UPP2: variants seen among roughly 807,000 people sequenced by gnomAD.
UPP2 encodes UPase 2.
A neutral mutation model predicts 26.7 loss-of-function variants in UPP2; 23 were observed. The ratio of observed to expected loss-of-function variants is 0.86; its 90% CI spans 0.62 to 1.22. The LOEUF (loss-of-function observed/expected upper bound fraction) is 1.22. Ranked by LOEUF, UPP2 falls within the 50% of genes most tolerant of loss-of-function variation. The probability of loss-of-function intolerance (pLI) is 0.00; values close to 1 mark genes in which losing one functional copy is unlikely to be tolerated. For missense variants in UPP2, 387 were observed against 396.7 expected, an observed-to-expected ratio of 0.98 and a Z score of 0.21; for synonymous variants, 127 against 141.3, an observed-to-expected ratio of 0.90 and a Z score of 0.72.
intron 1 of UPP2, among the ~76,000 whole-genome samples, chr2:158,102,976 G>A (rs149848214): frequency 6.6e-6 from 1 of 152,332 alleles, no homozygotes; most frequent in African/African-American, 2.4e-5. Flanking sequence ...TCATCATGTA[G>A]TGTAATTTGT....
chr2:158,014,687 A>G (rs1683632196), intron 2 of UPP2, among the ~76,000 whole-genome samples: 2 of 152,190 alleles, frequency 1.3e-5, no homozygotes, highest in African/African-American at 4.8e-5. Context: ...TCTATAATAC[A>G]CTACTGATTA....
intron 3 of UPP2, among the ~76,000 whole-genome samples, chr2:158,043,169 A>G (rs1684104215): frequency 6.6e-6 from 1 of 152,208 alleles, no homozygotes; most frequent in Non-Finnish European, 1.5e-5. Flanking sequence ...TTCCCTCTAA[A>G]TAAATCACAG....
chr2:158,105,950 G>T (rs917143904), intron 1 of UPP2, 149 bp from the exon 2 acceptor site: 7 of 624,376 alleles, frequency 1.1e-5, no homozygotes, highest in Non-Finnish European at 1.9e-5. Flanking sequence ...CACATAGTGT[G>T]GGCAAATATT....
chr2:158,118,334 C>A (rs544654815), intron 4 of UPP2, among the ~76,000 whole-genome samples: 2 of 151,864 alleles, frequency 1.3e-5, no homozygotes, highest in South Asian at 2.1e-4. Context: ...GCTAAGTGAG[C>A]AAACTGCAAA....
chr2:158,046,785 T>C (rs1684162038), intron 3 of UPP2, among the ~76,000 whole-genome samples: 1 of 152,236 alleles, frequency 6.6e-6, no homozygotes, highest in South Asian at 2.1e-4. Flanking sequence ...GTTTTTCTAC[T>C]ACCAGAAATA....
chr2:158,061,068 T>G (rs1276340066), intron 3 of UPP2, among the ~76,000 whole-genome samples: 1 of 152,216 alleles, frequency 6.6e-6, no homozygotes, highest in African/African-American at 2.4e-5. Flanking sequence ...TTTATCTTAA[T>G]AGTAAAGCTA....
At chr2:158,028,604 C>T (rs1472687294) in intron 3 of UPP2, among the ~76,000 whole-genome samples, 1 of 152,194 alleles carries the variant, frequency 6.6e-6, no homozygotes, top group Admixed American at 6.5e-5. Flanking sequence ...AAAGTTGCTT[C>T]CACATTTTCA....
chr2:158,035,354 A>G (rs1224211787), intron 3 of UPP2, among the ~76,000 whole-genome samples: 1 of 152,022 alleles, frequency 6.6e-6, no homozygotes, highest in East Asian at 1.9e-4. Context: ...ACGGGGTTTC[A>G]CCATGTTGGT....
chr2:158,124,216 A>T (rs182673310), intron 6 of UPP2, among the ~76,000 whole-genome samples: 1 of 152,170 alleles, frequency 6.6e-6, no homozygotes, highest in South Asian at 2.1e-4. Context: ...ACAAGATACA[A>T]ACAAAATATT....
intron 2 of UPP2, among the ~76,000 whole-genome samples, chr2:158,001,957 CAAAAAAAAAAAAAAA>C (rs200818827): frequency 1.5e-5 from 1 of 65,486 alleles, no homozygotes; most frequent in Non-Finnish European, 3.1e-5. Flanking sequence ...GAATGAGCAC[CAAAAAAAAAAAAAAA>C]AAAAAAAAAA....
chr2:158,082,932 G>A (rs1203224297), intron 3 of UPP2, among the ~76,000 whole-genome samples: 1 of 152,174 alleles, frequency 6.6e-6, no homozygotes, highest in Non-Finnish European at 1.5e-5. Flanking sequence ...AGACATTCAT[G>A]CAGCCAACAA....
chr2:158,020,153 C>T (rs1683726657), intron 3 of UPP2, among the ~76,000 whole-genome samples: 1 of 152,276 alleles, frequency 6.6e-6, no homozygotes, highest in African/African-American at 2.4e-5. Flanking sequence ...CCTTATTAAG[C>T]ACTTGCTGTG....
chr2:158,095,489 G>T (rs1682971197), intron 3 of UPP2, among the ~76,000 whole-genome samples: 1 of 152,072 alleles, frequency 6.6e-6, no homozygotes, highest in Admixed American at 6.6e-5. Flanking sequence ...CTTGGACTTT[G>T]TCTTCTTTAA....
At chr2:158,007,517 T>C (rs1278064765) in intron 2 of UPP2, among the ~76,000 whole-genome samples, 1 of 152,188 alleles carries the variant, frequency 6.6e-6, no homozygotes, top group African/African-American at 2.4e-5. Flanking sequence ...AACCATGTCA[T>C]TGTGAAGTGC....
chr2:158,112,254 T>G lies in UPP2; in HGVS notation c.181-2847T>G, dbSNP rs150335503. ...AGACAGTGTGGTACTAACATATGGA[T>G]AGACATAAAGATCACTAGAACAGAA... On this transcript the variant is annotated intron_variant, in intron 2 of 6. Transcript: ENST00000005756. Among the ~76,000 whole-genome samples the G allele has an allele frequency of 2.7e-3, 414 of 152,234 alleles. 3 individuals are homozygous for G. The highest frequency in any genetic ancestry group is 9.5e-3 in the African/African-American group (395 of 41,554).
upstream of UPP2, among the ~76,000 whole-genome samples, chr2:158,101,623 T>C (rs1028324687): frequency 2.0e-5 from 3 of 152,200 alleles, no homozygotes; most frequent in African/African-American, 7.2e-5. Context: ...AGGTGTGTTA[T>C]AGAAACCAAA....
intron 3 of UPP2, among the ~76,000 whole-genome samples, chr2:158,023,141 G>A (rs1397066167): frequency 1.3e-5 from 2 of 149,380 alleles, no homozygotes; most frequent in Non-Finnish European, 3.0e-5. Context: ...TGTGGGAAGG[G>A]CGTGTGTGAG....
upstream of UPP2, among the ~76,000 whole-genome samples, chr2:158,098,335 G>A (rs996264941): frequency 5.3e-5 from 8 of 152,114 alleles, no homozygotes; most frequent in African/African-American, 1.9e-4. Flanking sequence ...GCAGCCAGAG[G>A]CCTGCATCCT....
intron 3 of UPP2, among the ~76,000 whole-genome samples, chr2:158,031,143 A>G (rs1409655295): frequency 6.6e-6 from 1 of 152,212 alleles, no homozygotes; most frequent in Non-Finnish European, 1.5e-5. Context: ...AAAGAAAACA[A>G]AAGATCAGTG....
Sources: gnomAD v4.1 joint callset for allele counts (sites outside exome capture counted in the v4.1 genomes callset) on GRCh38, gnomAD v4.1.1 for gene constraint, MANE v1.5 for transcripts, NCBI Gene and HGNC (gene_info 2026-07-23, HGNC 2026-07-21) for gene names.